RASGRP1: variants seen among roughly 807,000 people sequenced by gnomAD.
The protein encoded by RASGRP1 is RAS guanyl-releasing protein 1.
In RASGRP1, 37 loss-of-function variants were observed where a neutral mutation model predicts 95.1. That is an observed-to-expected ratio of 0.39 (90% confidence interval 0.30 to 0.51). The LOEUF is 0.51. Ranked by LOEUF, RASGRP1 falls within the 20% of genes least tolerant of loss-of-function variation. RASGRP1 has a pLI of 0.80. For missense variants in RASGRP1, 711 were observed against 965.4 expected (o/e 0.74, Z 3.49); for synonymous variants, 325 against 353.4 (o/e 0.92, Z 0.90).
chr15:38,494,897 C>T (rs756904163), intron 15 of RASGRP1, 130 bp from the exon 16 acceptor site: 1 of 867,388 alleles, frequency 1.2e-6, no homozygotes, highest in Non-Finnish European at 1.5e-6. Context: ...GACCCATTTT[C>T]AGGCACCCAG....
chr15:38,503,280 T>A lies in RASGRP1; in HGVS notation c.1420A>T (p.Met474Leu). 1 of 1,607,190 alleles carries A rather than the reference T, an allele frequency of 6.2e-7. No individual in the cohort carries two copies. Residue 474 changes from methionine (M) to leucine (L), a missense_variant, in exon 11 of 17, where the codon ATG becomes TTG. By Grantham distance (15) the Met-to-Leu change is conservative. Around this residue, in one of 3 missense-constraint regions of RASGRP1, gnomAD observed 491 missense variants for 676.6 expected, o/e 0.73. Transcript: ENST00000310803. Reference protein sequence around the residue: ...PKTISKHVQRMVDSVFKNYDH... With the variant: ...PKTISKHVQRLVDSVFKNYDH... ...AACACAGCTGTACTTACATCCACCA[T>A]CCTCTGGACGTGTTTGCTAATGGTT...
chr15:38,557,247 A>G (rs1004009677), intron 2 of RASGRP1, among the ~76,000 whole-genome samples: 1 of 152,162 alleles, frequency 6.6e-6, no homozygotes, highest in Admixed American at 6.5e-5. Flanking sequence ...CTGTAGCCCA[A>G]TTTCCATGTC....
chr15:38,505,493 G>T (rs1027728079), intron 10 of RASGRP1, among the ~76,000 whole-genome samples: 1 of 152,066 alleles, frequency 6.6e-6, no homozygotes, highest in Non-Finnish European at 1.5e-5. Flanking sequence ...ATGCGGGGGG[G>T]ATGTCACTCT....
At position 38,496,621 on chromosome 15, in the gene RASGRP1, C is replaced by T. The variant is rs190465970; in HGVS notation, c.1874-1854G>A. Among the ~76,000 whole-genome samples the T allele has an allele frequency of 1.3e-3, 194 of 152,298 alleles. 1 individual carries two copies. Among genetic ancestry groups the T allele is most frequent in the African/African-American group, 4.5e-3 (185 of 41,560 alleles). Reference sequence around the variant, plus strand: ...TTTGTGATTTCTATTAAAAGTTGAACATCAAATTCTTAGTTGATTAGCATA... The same window carrying T: ...TTTGTGATTTCTATTAAAAGTTGAATATCAAATTCTTAGTTGATTAGCATA... On this transcript the variant is annotated intron_variant, in intron 15 of 16. Transcript: ENST00000310803.
chr15:38,541,540 C>T (rs772020853), intron 2 of RASGRP1, among the ~76,000 whole-genome samples: 7 of 152,004 alleles, frequency 4.6e-5, no homozygotes, highest in Admixed American at 6.5e-5. Flanking sequence ...TGCACTGAGC[C>T]GTGATTGTGC....
intron 16 of RASGRP1, among the ~76,000 whole-genome samples, chr15:38,491,416 C>A (rs1482190120): frequency 1.3e-5 from 2 of 152,164 alleles, no homozygotes; most frequent in East Asian, 3.8e-4. Flanking sequence ...AATGGACTGC[C>A]TTAACCTACA....
In RASGRP1 at chr15:38,518,421, T is replaced by C. The variant is rs1283168387; in HGVS notation, c.392A>G (p.Tyr131Cys). 6.2e-7 allele frequency: 1 copy of C among 1,601,200 alleles called. No individual in the cohort carries two copies. The highest frequency in any genetic ancestry group is 2.3e-5 in the East Asian group (1 of 44,410). Residue 131 changes from tyrosine to cysteine, a missense_variant and splice_region_variant, in exon 5 of 17, where the codon TAT becomes TGT. Around this residue, in one of 3 missense-constraint regions of RASGRP1, gnomAD observed 491 missense variants for 676.6 expected, o/e 0.73. Coordinates refer to ENST00000310803, the MANE Select transcript of RASGRP1 (RefSeq NM_005739.4). Reference sequence around the variant, plus strand: ...CATGACCCAGAATTCTGTTATCCAATACCTACAAGGAGGGGGTTAAAAAAC... The same window carrying C: ...CATGACCCAGAATTCTGTTATCCAACACCTACAAGGAGGGGGTTAAAAAAC... ...LCLKICYFVR[Y>C]WITEFWVMFK...
At position 38,507,855 on chromosome 15, in the gene RASGRP1, G is replaced by C; in HGVS notation, c.1113C>G (p.Asp371Glu). 6.2e-7 allele frequency: 1 copy of C among 1,613,774 alleles called. No individual in the cohort carries two copies. The change falls in exon 9 of 17, where the codon GAC becomes GAG. Residue 371 changes from aspartate to glutamate, a missense_variant. Transcript: ENST00000310803. ...DLISLYEAMP[D>E]YLEDGKVNVH... ...CGTTCACTTTCCCGTCCTCCAGATA[G>C]TCAGGCATGGCTTCATACAGGGAGA...
rs371852536 is a variant in RASGRP1 at position 38,501,167 on chromosome 15, A to G, written c.1659T>C (p.Thr553=). The change falls in exon 13 of 17, where the codon ACT becomes ACC. Residue 553 remains threonine (T), a synonymous_variant. Coordinates refer to ENST00000310803, the MANE Select transcript of RASGRP1 (RefSeq NM_005739.4). ...NFQETTYLKP[T]FCDNCAGFLW... is the part of the protein sequence containing the mutation. The stretch of plus-strand genomic sequence containing the variant: ...CAAATCCAGCACAGTTGTCACAAAA[A>G]GTGGGCTTCAGGTAGGTGGTCTCTT... 9.3e-6 allele frequency: 15 copies of G among 1,609,434 alleles called. No homozygotes were observed. In the African/African-American group the frequency reaches 2.0e-4, roughly 22 times the overall value.
chr15:38,514,719 C>T (rs1891689487), intron 6 of RASGRP1, among the ~76,000 whole-genome samples: 1 of 152,188 alleles, frequency 6.6e-6, no homozygotes, highest in Non-Finnish European at 1.5e-5. Flanking sequence ...TGTTCAACCC[C>T]TGGGGACACT....
At chr15:38,500,349 T>G (rs752783980) in intron 13 of RASGRP1, among the ~76,000 whole-genome samples, 178 of 149,258 alleles carry the variant, frequency 1.2e-3, no homozygotes, top group Middle Eastern at 6.8e-3. Flanking sequence ...GTTTTTTTTG[T>G]TTTGTTTTTT....
rs752620037 is a variant in RASGRP1 at position 38,501,139 on chromosome 15, T to G, written c.1683+4A>C. On this transcript the variant is annotated splice_donor_region_variant and intron_variant, in intron 13 of 16. Coordinates refer to ENST00000310803, the MANE Select transcript of RASGRP1 (RefSeq NM_005739.4). ...AGCCCTGGAGCACCCTAAGAACAACTTACAAATCCAGCACAGTTGTCACAA... is the reference window on the plus strand; with the variant it reads ...AGCCCTGGAGCACCCTAAGAACAACGTACAAATCCAGCACAGTTGTCACAA... 6.3e-7 allele frequency: 1 copy of G among 1,592,900 alleles called. No homozygotes were observed. The highest frequency in any genetic ancestry group is 1.8e-5 in the Admixed American group (1 of 56,842).
At chr15:38,503,073 CAACTGCCT>C in intron 11 of RASGRP1, 191 bp downstream of exon 11, 1 of 587,460 alleles carries the variant, frequency 1.7e-6, no homozygotes, top group Non-Finnish European at 3.0e-6. Flanking sequence ...AGAGGAGGCA[CAACTGCCT>C]TCATATGAGT....
At chr15:38,561,661 G>A (rs1020501008) in intron 1 of RASGRP1, among the ~76,000 whole-genome samples, 2 of 152,244 alleles carry the variant, frequency 1.3e-5, no homozygotes, top group Non-Finnish European at 2.9e-5. Context: ...CCTTCAGGTT[G>A]TTTCAAACTA....
chr15:38,550,859 C>T (rs979423093), intron 2 of RASGRP1, among the ~76,000 whole-genome samples: 10 of 151,850 alleles, frequency 6.6e-5, no homozygotes, highest in Non-Finnish European at 1.2e-4. Context: ...TTCTTTTTGC[C>T]AGTCTGTATT....
intron 16 of RASGRP1, among the ~76,000 whole-genome samples, chr15:38,492,611 G>A (rs1267891501): frequency 6.6e-6 from 1 of 152,164 alleles, no homozygotes; most frequent in Non-Finnish European, 1.5e-5. Flanking sequence ...GTGAATAGTA[G>A]TGTTGATATT....
At chr15:38,564,518 T>C (rs1893952388) in intron 1 of RASGRP1, 76 bp downstream of exon 1, 10 of 1,188,512 alleles carry the variant, frequency 8.4e-6, no homozygotes, top group South Asian at 2.8e-5. Flanking sequence ...CCTCGGGGTG[T>C]TGGGGCGACG....
chr15:38,535,562 A>G (rs754953763), intron 2 of RASGRP1, among the ~76,000 whole-genome samples: 78 of 152,134 alleles, frequency 5.1e-4, no homozygotes, highest in Non-Finnish European at 1.0e-3. Context: ...ACGTCCCCTA[A>G]GGGCCCACAG....
At chr15:38,563,421 C>G (rs1215573386) in intron 1 of RASGRP1, among the ~76,000 whole-genome samples, 1 of 152,114 alleles carries the variant, frequency 6.6e-6, no homozygotes, top group African/African-American at 2.4e-5. Context: ...AGGAGACCGT[C>G]AAAACTCTAA....
Sources: allele counts gnomAD v4.1 joint callset (sites outside exome capture counted in the v4.1 genomes callset), GRCh38; gene constraint gnomAD v4.1.1; regional missense constraint gnomAD v4.1.1; transcripts MANE v1.5; gene names NCBI Gene and HGNC (gene_info 2026-07-23, HGNC 2026-07-21).